MCC: variants seen among roughly 807,000 people sequenced by gnomAD.
MCC encodes the protein colorectal mutant cancer protein.
MCC carries 90 observed loss-of-function variants against 116.2 expected under a neutral mutation model. The observed-to-expected ratio is 0.77, with a 90% confidence interval of 0.65 to 0.92. The LOEUF is 0.92. Ranked by LOEUF, MCC falls within the 40% of genes least tolerant of loss-of-function variation. The probability of loss-of-function intolerance (pLI) is 0.00; values close to 1 mark genes in which losing one functional copy is unlikely to be tolerated. For synonymous variants in MCC, 578 were observed against 510.5 expected, an observed-to-expected ratio of 1.13 and a Z score of -1.78; for missense variants, 1,516 against 1,312.2, an observed-to-expected ratio of 1.16 and a Z score of -2.40.
At chr5:113,402,463 A>T (rs1332744390) in intron 1 of MCC, among the ~76,000 whole-genome samples, 2 of 152,072 alleles carry the variant, frequency 1.3e-5, no homozygotes, top group Non-Finnish European at 2.9e-5. Context: ...CTACCAAAAA[A>T]TTTTTAAAAC....
At position 113,061,242 on chromosome 5, in the gene MCC, G is replaced by A. The variant is rs375642425; in HGVS notation, c.2213+2742C>T. On this transcript the variant is annotated intron_variant, in intron 14 of 18. Transcript: ENST00000408903. ...CACAGCTCTCCAGGGTCCCCACCTG[G>A]TGCTGAGACAAGGGACTCAATTTCA... Among the ~76,000 whole-genome samples, 6 of 152,200 alleles carry A rather than the reference G, an allele frequency of 3.9e-5. No individual in the cohort carries two copies. In the South Asian group the frequency reaches 8.3e-4, roughly 21 times the overall value.
At chr5:113,081,696 TAATC>T (rs777303506) in intron 11 of MCC, among the ~76,000 whole-genome samples, 5 of 152,340 alleles carry the variant, frequency 3.3e-5, no homozygotes, top group Admixed American at 2.6e-4. Context: ...TGCCACTAAG[TAATC>T]ACCAGGATTA....
intron 3 of MCC, among the ~76,000 whole-genome samples, chr5:113,163,100 C>T (rs1760583034): frequency 6.6e-6 from 1 of 152,152 alleles, no homozygotes; most frequent in Admixed American, 6.5e-5. Context: ...GGAGTAGCCT[C>T]ATGCCCGCTT....
At position 113,024,321 on chromosome 5, in the gene MCC, TC is replaced by T. The variant is rs1750376994; in HGVS notation, c.*2980del. The T allele has an allele frequency of 1.3e-5, 2 of 152,266 alleles. No individual in the cohort carries two copies. The highest frequency in any genetic ancestry group is 4.1e-4 in the South Asian group (2 of 4,836). 9.4% of individuals were successfully genotyped at this position (152,266 alleles called of 1,614,324 possible). A position where few individuals can be genotyped will look rare whatever the true frequency, so the allele number is the denominator to read the frequency against. ...TGAGGATGAAAGTTTCAATAAGGAA[TC>T]ATACTGTTCCCCAGTCCATGACAGA... On this transcript the variant is annotated 3_prime_UTR_variant, in exon 19 of 19. Transcript: ENST00000408903.
intron 2 of MCC, among the ~76,000 whole-genome samples, chr5:113,349,007 A>G (rs1768201457): frequency 6.6e-6 from 1 of 152,086 alleles, no homozygotes; most frequent in Admixed American, 6.6e-5. Flanking sequence ...TGAACCATGA[A>G]GCAATCCAGA....
intron 1 of MCC, among the ~76,000 whole-genome samples, chr5:113,472,181 G>A (rs1772112957): frequency 1.3e-5 from 2 of 152,122 alleles, no homozygotes; most frequent in South Asian, 4.1e-4. Flanking sequence ...TGCACCTACT[G>A]TCTGGCACTC....
intron 6 of MCC, among the ~76,000 whole-genome samples, chr5:113,110,041 A>T (rs551839018): frequency 4.6e-5 from 7 of 151,986 alleles, no homozygotes; most frequent in African/African-American, 1.4e-4. Flanking sequence ...CTAGGAACGA[A>T]CTCCTGGGCT....
chr5:113,462,033 C>T (rs1411165756), intron 1 of MCC, among the ~76,000 whole-genome samples: 1 of 152,174 alleles, frequency 6.6e-6, no homozygotes, highest in African/African-American at 2.4e-5. Flanking sequence ...ACCTGCATGC[C>T]TGAGAACCTT....
chr5:113,471,876 C>G (rs1395843538), intron 1 of MCC, among the ~76,000 whole-genome samples: 2 of 152,110 alleles, frequency 1.3e-5, no homozygotes, highest in African/African-American at 4.8e-5. Flanking sequence ...GCGCCCCTCC[C>G]CCAGCCTTGC....
chr5:113,452,843 T>C (rs26991), intron 1 of MCC, among the ~76,000 whole-genome samples: 87,930 of 152,124 alleles, frequency 0.58, 26,795 homozygotes, highest in East Asian at 0.77. Context: ...TCTCAGGTGA[T>C]GTTGGCACCA....
intron 8 of MCC, among the ~76,000 whole-genome samples, chr5:113,093,402 T>C (rs1008172177): frequency 2.1e-4 from 32 of 152,074 alleles, no homozygotes; most frequent in African/African-American, 7.7e-4. Flanking sequence ...CACCTGTCAA[T>C]AGCCACTGCA....
At chr5:113,064,852 T>C (rs908479319) in intron 13 of MCC, among the ~76,000 whole-genome samples, 1 of 152,154 alleles carries the variant, frequency 6.6e-6, no homozygotes, top group Non-Finnish European at 1.5e-5. Flanking sequence ...CACATTCCTA[T>C]TGTGATTTAA....
chr5:113,143,471 C>G lies in MCC; in HGVS notation c.742-111G>C, dbSNP rs551553097. 3 of 1,144,228 alleles carry G rather than the reference C, an allele frequency of 2.6e-6. No homozygotes were observed. The South Asian group carries it at 4.2e-5, about 16-fold the overall frequency. The allele number at this position is 1,144,228 out of a possible 1,614,324, so 70.9% of individuals were successfully genotyped here. A position where few individuals can be genotyped will look rare whatever the true frequency, so the allele number is the denominator to read the frequency against. On this transcript the variant is annotated intron_variant, in intron 4 of 18. Transcript: ENST00000408903. ...TACAACTGCCAACACTGAGTATGCC[C>G]CAAATAAAATGTATGTCAGCTCATC... is the stretch of plus-strand genomic sequence containing the variant.
intron 11 of MCC, among the ~76,000 whole-genome samples, chr5:113,080,892 G>A (rs914252401): frequency 6.0e-4 from 90 of 150,570 alleles, no homozygotes; most frequent in African/African-American, 2.1e-3. Flanking sequence ...TTTCCTTCTT[G>A]GATCTTTCTT....
intron 1 of MCC, among the ~76,000 whole-genome samples, chr5:113,399,253 A>G (rs1202054407): frequency 6.6e-6 from 1 of 152,226 alleles, no homozygotes; most frequent in Non-Finnish European, 1.5e-5. Flanking sequence ...TGGGAGGCCG[A>G]GGCAGGCGGA....
intron 4 of MCC, among the ~76,000 whole-genome samples, chr5:113,146,829 A>G (rs1398604186): frequency 6.6e-6 from 1 of 152,212 alleles, no homozygotes; most frequent in South Asian, 2.1e-4. Flanking sequence ...TTTTTCTGTC[A>G]TTACAGGTAA....
intron 11 of MCC, among the ~76,000 whole-genome samples, chr5:113,077,469 G>C (rs1261932184): frequency 6.6e-6 from 1 of 152,222 alleles, no homozygotes; most frequent in East Asian, 1.9e-4. Flanking sequence ...TCAGAACACA[G>C]TGCAATCAAA....
chr5:113,202,619 T>C (rs1313927295), intron 3 of MCC, among the ~76,000 whole-genome samples: 1 of 152,154 alleles, frequency 6.6e-6, no homozygotes, highest in Non-Finnish European at 1.5e-5. Context: ...GTATGTTAGA[T>C]GTTTAAGACT....
chr5:113,145,247 T>A (rs1262329269), intron 4 of MCC, among the ~76,000 whole-genome samples: 1 of 152,178 alleles, frequency 6.6e-6, no homozygotes, highest in Non-Finnish European at 1.5e-5. Context: ...ACAGATGTAG[T>A]GGACACTCTC....
Sources: allele counts gnomAD v4.1 joint callset (sites outside exome capture counted in the v4.1 genomes callset), GRCh38; gene constraint gnomAD v4.1.1; transcripts MANE v1.5; gene names NCBI Gene and HGNC (gene_info 2026-07-23, HGNC 2026-07-21).